The following COL6A2 variants were observed in gnomAD, a reference collection of about 807,000 sequenced individuals.
The protein encoded by COL6A2 is collagen type VI alpha 2 chain.
In COL6A2, 90 loss-of-function variants were observed where a neutral mutation model predicts 124.9. That is an observed-to-expected ratio of 0.72 (90% CI 0.61 to 0.86). The LOEUF (loss-of-function observed/expected upper bound fraction) is 0.86, where lower values mean the gene tolerates loss of function less well. Ranked by LOEUF, COL6A2 falls within the 40% of genes least tolerant of loss-of-function variation. The pLI is 0.00. For missense variants in COL6A2, 1,607 were observed against 1,502.5 expected (o/e 1.07, Z -1.15); for synonymous variants, 793 against 618.2 (o/e 1.28, Z -4.19).
chr21:46,116,540 G>A lies in COL6A2; in HGVS notation c.928-111G>A. The A allele has an allele frequency of 6.4e-7, 1 of 1,572,138 alleles. No homozygotes were observed. The highest frequency in any genetic ancestry group is 8.7e-7 in the Non-Finnish European group (1 of 1,147,318). ...CTCAGTGGTGGCTTTGGGGGCTCCT[G>A]GGGGGTCCTGTGGCCTTGAGTTTGG... On this transcript the variant is annotated intron_variant, in intron 8 of 27. Coordinates refer to ENST00000300527, the MANE Select transcript of COL6A2 (RefSeq NM_001849.4). This position sits in a 1 kb window ranked among gnomAD's most constrained non-coding sequence, Gnocchi z 4.6.
intron 1 of COL6A2, among the ~76,000 whole-genome samples, chr21:46,100,387 C>T (rs2078276781): frequency 1.3e-5 from 2 of 152,000 alleles, no homozygotes. Flanking sequence ...TTTATTTTCC[C>T]GAATTTTTTA....
intron 1 of COL6A2, among the ~76,000 whole-genome samples, chr21:46,099,302 A>G (rs1000671092): frequency 1.3e-5 from 2 of 152,040 alleles, no homozygotes; most frequent in African/African-American, 4.8e-5. Context: ...AAATACAAAA[A>G]AAAATTAGCC....
chr21:46,126,134 C>T lies in COL6A2; in HGVS notation c.2319C>T (p.Tyr773=), dbSNP rs377458657. 1.3e-5 allele frequency: 21 copies of T among 1,611,622 alleles called. No homozygotes were observed. The highest frequency in any genetic ancestry group is 1.6e-4 in the Middle Eastern group (1 of 6,084). Residue 773 remains tyrosine (Y), a synonymous_variant, in exon 26 of 28, where the codon TAC becomes TAT. Transcript: ENST00000300527. ...AGAAGCACGAGAGTGAAAACCTCTA[C>T]TCCATCGCCTGCGACAAGCCACAGC... ...FHEKHESENL[Y]SIACDKPQQV...
chr21:46,127,987 G>A (rs940543364), intron 27 of COL6A2, among the ~76,000 whole-genome samples: 11 of 152,190 alleles, frequency 7.2e-5, no homozygotes, highest in African/African-American at 2.7e-4. Context: ...GCCCTGATTC[G>A]CTGATGCCTG....
intron 16 of COL6A2, 58 bp downstream of exon 16, chr21:46,120,635 G>C: frequency 7.2e-7 from 1 of 1,385,230 alleles, no homozygotes; most frequent in Non-Finnish European, 9.6e-7. Flanking sequence ...GTGCAGGGGG[G>C]CTGCACCCCA....
intron 1 of COL6A2, among the ~76,000 whole-genome samples, chr21:46,102,600 T>C (rs573840578): frequency 2.0e-5 from 3 of 152,160 alleles, no homozygotes; most frequent in Non-Finnish European, 4.4e-5. Flanking sequence ...GTTTTTATCA[T>C]GAAAGGGTAT....
chr21:46,115,533 G>A (rs183644367), intron 5 of COL6A2, among the ~76,000 whole-genome samples: 89 of 152,316 alleles, frequency 5.8e-4, no homozygotes, highest in African/African-American at 2.0e-3. Context: ...CCCAGGCATC[G>A]CTGGAGAATC....
intron 1 of COL6A2, among the ~76,000 whole-genome samples, chr21:46,100,340 TG>T (rs1020827423): frequency 2.2e-4 from 33 of 152,252 alleles, no homozygotes; most frequent in African/African-American, 6.5e-4. Flanking sequence ...TTGGGGTGTT[TG>T]GGGGGTTTTT....
intron 27 of COL6A2, among the ~76,000 whole-genome samples, chr21:46,130,769 G>T (rs978151545): frequency 6.6e-6 from 1 of 152,200 alleles, no homozygotes; most frequent in Non-Finnish European, 1.5e-5. Flanking sequence ...GGTACCTGAG[G>T]AGTTTCTGGA....
Position 46,111,301 on chromosome 21 carries a change from C to T in COL6A2, c.-27-149C>T, listed in dbSNP as rs13050828. ...AGCCCCCCAGTCCAGATGCTGGTGA[C>T]GGTGTGTGCTGGGCGCAGACCCCGC... On this transcript the variant is annotated intron_variant, in intron 1 of 27. Transcript: ENST00000300527. 0.49 allele frequency: 285,124 copies of T among 587,398 alleles called. 73,609 individuals are homozygous for T. Among genetic ancestry groups the T allele is most frequent in the Admixed American group, 0.6 (21,371 of 35,552 alleles). 36.4% of individuals were successfully genotyped at this position (587,398 alleles called of 1,614,324 possible).
chr21:46,126,039 C>T lies in COL6A2; in HGVS notation c.2224C>T (p.Leu742Phe), dbSNP rs771256979. 5 of 1,612,976 alleles carry T rather than the reference C, an allele frequency of 3.1e-6. No homozygotes were observed. The highest frequency in any genetic ancestry group is 1.1e-5 in the South Asian group (1 of 91,092). Residue 742 changes from leucine (L) to phenylalanine (F), a missense_variant, in exon 26 of 28, where the codon CTC becomes TTC. Physicochemically the swap from Leu to Phe is conservative, Grantham distance 22. This residue lies in a region of COL6A2 where 1,223 missense variants were observed against 1,052.2 expected (regional missense o/e 1.16). Coordinates refer to ENST00000300527, the MANE Select transcript of COL6A2 (RefSeq NM_001849.4). ...GCGCCACGACCCTCGGGACGATGAC[C>T]TCAACTTGCGGGCGCTGTGCGACCG... ...DGRHDPRDDD[L>F]NLRALCDRDV...
At chr21:46,122,215 C>T in intron 19 of COL6A2, 57 bp downstream of exon 19, 1 of 1,581,426 alleles carries the variant, frequency 6.3e-7, no homozygotes, top group East Asian at 2.3e-5. Flanking sequence ...GTCCCAAGGG[C>T]CCTGAAGATT....
chr21:46,110,658 G>A (rs963839442), intron 1 of COL6A2, among the ~76,000 whole-genome samples: 1 of 152,144 alleles, frequency 6.6e-6, no homozygotes, highest in Non-Finnish European at 1.5e-5. Context: ...CATCTGCACC[G>A]AGGAGAGGGC....
At chr21:46,120,625 GTGCAGGGGGGC>G in intron 16 of COL6A2, 48 bp downstream of exon 16, 1 of 1,428,404 alleles carries the variant, frequency 7.0e-7, no homozygotes, top group Non-Finnish European at 9.2e-7. Context: ...ATCTGAGGGG[GTGCAGGGGGGC>G]TGCACCCCAA....
At position 46,126,160 on chromosome 21, in the gene COL6A2, A is replaced by T; in HGVS notation, c.2345A>T (p.Gln782Leu). The change falls in exon 26 of 28, where the codon CAG becomes CTG. Residue 782 changes from glutamine (Q) to leucine (L), a missense_variant. Coordinates refer to ENST00000300527, the MANE Select transcript of COL6A2 (RefSeq NM_001849.4). ...LYSIACDKPQ[Q>L]VRNMTLFSDL... Reference sequence around the variant, plus strand: ...TCCATCGCCTGCGACAAGCCACAGCAGGTGCGCAACATGACGCTGTTCTCC... The same window carrying T: ...TCCATCGCCTGCGACAAGCCACAGCTGGTGCGCAACATGACGCTGTTCTCC... 1 of 1,610,002 alleles carries T rather than the reference A, an allele frequency of 6.2e-7. No homozygotes were observed. Among genetic ancestry groups the T allele is most frequent in the Non-Finnish European group, 8.5e-7 (1 of 1,179,998 alleles).
At chr21:46,118,400 G>C (rs969115307) in intron 12 of COL6A2, among the ~76,000 whole-genome samples, 2 of 152,208 alleles carry the variant, frequency 1.3e-5, no homozygotes, top group Non-Finnish European at 2.9e-5. Context: ...CCTCTGAGCA[G>C]ATGCACAGGC....
intron 16 of COL6A2, 128 bp downstream of exon 16, chr21:46,120,705 A>G (rs1057268297): frequency 4.4e-6 from 4 of 908,390 alleles, no homozygotes; most frequent in Non-Finnish European, 6.6e-6. Context: ...CTGCACCCCA[A>G]GGTAAGGGGG....
chr21:46,127,295 G>A (rs917296478), intron 27 of COL6A2, among the ~76,000 whole-genome samples: 8 of 152,158 alleles, frequency 5.3e-5, no homozygotes, highest in African/African-American at 1.7e-4. Context: ...TCTGCGGTAC[G>A]AAGTCAGCGC....
chr21:46,116,891 CCTGAT>C lies in COL6A2; in HGVS notation c.999+81_999+85del. The C allele has an allele frequency of 2.1e-6, 3 of 1,427,458 alleles. No homozygotes were observed. Among genetic ancestry groups the C allele is most frequent in the Non-Finnish European group, 2.0e-6 (2 of 1,014,334 alleles). 88.4% of individuals were successfully genotyped at this position (1,427,458 alleles called of 1,614,324 possible). On this transcript the variant is annotated intron_variant, in intron 10 of 27. Coordinates refer to ENST00000300527, the MANE Select transcript of COL6A2 (RefSeq NM_001849.4). This position sits in a 1 kb window ranked among gnomAD's most constrained non-coding sequence, Gnocchi z 4.6. ...GCCTCTGCAGGGCCCCCAGATCCAGCCTGATCTGTCAGCTTACACATGTGTACACA... is the reference window on the plus strand; with the variant it reads ...GCCTCTGCAGGGCCCCCAGATCCAGCCTGTCAGCTTACACATGTGTACACA...
Sources: gnomAD v4.1 joint callset for allele counts (sites outside exome capture counted in the v4.1 genomes callset) on GRCh38, gnomAD v4.1.1 for gene constraint, gnomAD v4.1.1 regional missense constraint, Gnocchi (gnomAD v3.1) non-coding constraint, MANE v1.5 for transcripts, NCBI Gene and HGNC (gene_info 2026-07-23, HGNC 2026-07-21) for gene names.